The following CNTN5 variants were observed in gnomAD, a reference collection of about 807,000 sequenced individuals.
The protein encoded by CNTN5 is contactin-5.
Under a neutral mutation model 129.1 loss-of-function variants are expected in CNTN5, and 77 were observed. That is an observed-to-expected ratio of 0.60 (90% CI 0.50 to 0.72). The LOEUF (loss-of-function observed/expected upper bound fraction) is 0.72. Ranked by LOEUF, CNTN5 falls within the 30% of genes least tolerant of loss-of-function variation. The pLI is 0.00. For synonymous variants in CNTN5, 509 were observed against 465.6 expected, an observed-to-expected ratio of 1.09 and a Z score of -1.20; for missense variants, 1,478 against 1,328.8, an observed-to-expected ratio of 1.11 and a Z score of -1.75.
At chr11:100,180,946 T>G (rs77796986) in intron 13 of CNTN5, among the ~76,000 whole-genome samples, 4,717 of 152,086 alleles carry the variant, frequency 0.031, 244 homozygotes, top group African/African-American at 0.11. Context: ...ATTCATACAT[T>G]GCTGGTATGA....
intron 8 of CNTN5, among the ~76,000 whole-genome samples, chr11:99,995,069 T>A (rs1239355318): frequency 2.6e-5 from 4 of 152,242 alleles, no homozygotes; most frequent in Admixed American, 6.5e-5. Context: ...CTCAGTTCAC[T>A]TGCTATTTAT....
At chr11:99,589,001 A>G (rs371033033) in intron 3 of CNTN5, among the ~76,000 whole-genome samples, 15 of 152,344 alleles carry the variant, frequency 9.8e-5, no homozygotes, top group African/African-American at 3.1e-4. Flanking sequence ...GAAAATAACA[A>G]AAGCAATAAT....
At chr11:99,327,420 C>A (rs1177170722) in intron 2 of CNTN5, among the ~76,000 whole-genome samples, 1 of 152,096 alleles carries the variant, frequency 6.6e-6, no homozygotes, top group African/African-American at 2.4e-5. Context: ...TTAGAAGAGG[C>A]TCTTTGTCAA....
intron 1 of CNTN5, among the ~76,000 whole-genome samples, chr11:99,144,341 G>T (rs780892723): frequency 9.9e-5 from 15 of 152,152 alleles, no homozygotes; most frequent in African/African-American, 2.9e-4. Context: ...TCTTCAAATA[G>T]TAATTATTCT....
chr11:99,115,010 C>T (rs1409651079), intron 1 of CNTN5, among the ~76,000 whole-genome samples: 1 of 152,182 alleles, frequency 6.6e-6, no homozygotes, highest in Non-Finnish European at 1.5e-5. Flanking sequence ...TCCCTTCCCC[C>T]TTCTTCCATG....
intron 3 of CNTN5, among the ~76,000 whole-genome samples, chr11:99,747,457 A>C (rs1944089741): frequency 7.6e-6 from 1 of 131,024 alleles, no homozygotes; most frequent in Admixed American, 8.9e-5. Flanking sequence ...AGAAGTCAGC[A>C]TCCTTTTTTT....
At chr11:99,710,497 A>C (rs1370441274) in intron 3 of CNTN5, among the ~76,000 whole-genome samples, 1 of 151,608 alleles carries the variant, frequency 6.6e-6, no homozygotes. Flanking sequence ...GGTAAGACTG[A>C]ATAGTTCATG....
At chr11:99,248,710 A>G (rs1014914023) in intron 1 of CNTN5, among the ~76,000 whole-genome samples, 1 of 152,186 alleles carries the variant, frequency 6.6e-6, no homozygotes. Context: ...AGCACCATGT[A>G]TTAAATAGGG....
chr11:99,560,423 C>T (rs1208527280), intron 3 of CNTN5, among the ~76,000 whole-genome samples: 3 of 151,876 alleles, frequency 2.0e-5, no homozygotes, highest in African/African-American at 4.8e-5. Context: ...TCCCGAGTAG[C>T]TGGGATTACA....
At chr11:99,927,558 C>T (rs942614684) in intron 7 of CNTN5, among the ~76,000 whole-genome samples, 4 of 152,002 alleles carry the variant, frequency 2.6e-5, no homozygotes, top group Non-Finnish European at 5.9e-5. Flanking sequence ...TCCTTTTTCA[C>T]ATGGTGGCAG....
rs149420489 is a variant in CNTN5, at chr11:100,131,218, C to A, written c.1580+56924C>A. Among the ~76,000 whole-genome samples, 173 of 152,058 alleles carry A rather than the reference C, an allele frequency of 1.1e-3. 3 individuals carry two copies. The East Asian group carries it at 0.022, about 19-fold the overall frequency. On this transcript the variant is annotated intron_variant, in intron 13 of 24. Coordinates refer to ENST00000524871, the MANE Select transcript of CNTN5 (RefSeq NM_014361.4). ...GGGTACAGAATCACTAATTAAAAGGCTATTTTAGTGTTCAGGAGACAGAGG... is the reference window on the plus strand; with the variant it reads ...GGGTACAGAATCACTAATTAAAAGGATATTTTAGTGTTCAGGAGACAGAGG...
intron 1 of CNTN5, among the ~76,000 whole-genome samples, chr11:99,312,195 A>T (rs971777286): frequency 1.3e-5 from 2 of 152,228 alleles, no homozygotes; most frequent in Non-Finnish European, 2.9e-5. Context: ...TAAATAATAC[A>T]TAAACAATTT....
At chr11:99,512,122 A>G (rs11220245) in intron 2 of CNTN5, among the ~76,000 whole-genome samples, 32,835 of 152,004 alleles carry the variant, frequency 0.22, 3,775 homozygotes, top group Non-Finnish European at 0.25. Context: ...TTCACTCCTG[A>G]ACTCACCTAG....
At chr11:99,827,190 C>T (rs531404060) in intron 4 of CNTN5, among the ~76,000 whole-genome samples, 1 of 152,214 alleles carries the variant, frequency 6.6e-6, no homozygotes, top group Non-Finnish European at 1.5e-5. Flanking sequence ...AGGGTTCAAG[C>T]GATTCTCTAA....
At chr11:100,113,014 A>G (rs1294066489) in intron 13 of CNTN5, among the ~76,000 whole-genome samples, 1 of 152,258 alleles carries the variant, frequency 6.6e-6, no homozygotes, top group East Asian at 1.9e-4. Context: ...GATTGCTTCT[A>G]TGCTAGTCAT....
intron 3 of CNTN5, among the ~76,000 whole-genome samples, chr11:99,742,439 G>C (rs368257173): frequency 2.6e-4 from 39 of 152,096 alleles, no homozygotes; most frequent in Non-Finnish European, 4.7e-4. Flanking sequence ...AATCATTTGT[G>C]CTCCTTTGTC....
At chr11:99,087,769 A>G (rs1426559541) in intron 1 of CNTN5, among the ~76,000 whole-genome samples, 1 of 152,230 alleles carries the variant, frequency 6.6e-6, no homozygotes, top group African/African-American at 2.4e-5. Flanking sequence ...TATTACAGTT[A>G]GGTCTGTTAC....
chr11:99,050,833 T>C (rs1017150344), intron 1 of CNTN5, among the ~76,000 whole-genome samples: 11 of 151,960 alleles, frequency 7.2e-5, no homozygotes, highest in South Asian at 2.1e-4. Context: ...CGATTTAAGA[T>C]GTTAATCACA....
At chr11:100,102,838 T>G (rs1420526719) in intron 13 of CNTN5, among the ~76,000 whole-genome samples, 1 of 152,158 alleles carries the variant, frequency 6.6e-6, no homozygotes, top group East Asian at 1.9e-4. Context: ...AATCTGAACA[T>G]TAGCACTAGG....
Sources: gnomAD v4.1 joint callset for allele counts (sites outside exome capture counted in the v4.1 genomes callset) on GRCh38, gnomAD v4.1.1 for gene constraint, MANE v1.5 for transcripts, NCBI Gene and HGNC (gene_info 2026-07-23, HGNC 2026-07-21) for gene names.